Variants in GCA observed in about 807,000 individuals in gnomAD.
GCA encodes the protein grancalcin.
GCA carries 30 observed loss-of-function variants against 32.6 expected under a neutral mutation model. That is an observed-to-expected ratio of 0.92 (90% CI 0.69 to 1.25). GCA has a LOEUF of 1.25. Among genes scored for constraint, GCA ranks in the 50% most tolerant of loss-of-function variants. The pLI, the probability that GCA is intolerant of heterozygous loss-of-function variation, is 0.00. For synonymous variants in GCA, 102 were observed against 84.6 expected, an observed-to-expected ratio of 1.21 and a Z score of -1.13; for missense variants, 291 against 266.8, an observed-to-expected ratio of 1.09 and a Z score of -0.63.
chr2:162,323,819 G>A (rs1683774356), intron 1 of GCA, among the ~76,000 whole-genome samples: 1 of 151,840 alleles, frequency 6.6e-6, no homozygotes, highest in South Asian at 2.1e-4. Flanking sequence ...TAGCCTTGTA[G>A]TATTGTTTGA....
chr2:162,334,486 G>A (rs963202837), intron 1 of GCA, among the ~76,000 whole-genome samples: 1 of 152,088 alleles, frequency 6.6e-6, no homozygotes, highest in Admixed American at 6.5e-5. Context: ...ACAGAATCAG[G>A]GAAAAGGGTA....
intron 1 of GCA, 107 bp downstream of exon 1, chr2:162,344,382 C>T (rs1036271388): frequency 1.2e-4 from 133 of 1,073,396 alleles, no homozygotes; most frequent in East Asian, 7.6e-5. Context: ...CCTGCGTCCG[C>T]GCCTGGTACT....
At chr2:162,345,803 A>G (rs1220564768) in intron 1 of GCA, among the ~76,000 whole-genome samples, 2 of 152,220 alleles carry the variant, frequency 1.3e-5, no homozygotes, top group Non-Finnish European at 2.9e-5. Context: ...GATAAAACTT[A>G]CATGATTTCT....
chr2:162,355,599 T>C, intron 3 of GCA, among the ~76,000 whole-genome samples: 1 of 152,064 alleles, frequency 6.6e-6, no homozygotes, highest in East Asian at 1.9e-4. Context: ...TTGAATGTAA[T>C]TGGATTAGAA....
intron 3 of GCA, 152 bp from the exon 4 acceptor site, chr2:162,356,286 G>A: frequency 3.5e-6 from 2 of 575,016 alleles, no homozygotes; most frequent in Non-Finnish European, 6.3e-6. Context: ...TTAAACAATG[G>A]GTGCTTAACA....
intron 5 of GCA, among the ~76,000 whole-genome samples, chr2:162,358,828 C>T (rs1212833082): frequency 6.6e-6 from 1 of 151,248 alleles, no homozygotes; most frequent in Non-Finnish European, 1.5e-5. Context: ...TTAGCTTTGA[C>T]TTTATTACAA....
At chr2:162,368,527 C>T (rs903015197) in intron 4 of GCA, among the ~76,000 whole-genome samples, 3 of 151,886 alleles carry the variant, frequency 2.0e-5, no homozygotes, top group African/African-American at 4.8e-5. Context: ...TAAGGTGATA[C>T]ATTTTATCCT....
At chr2:162,344,380 C>G in intron 1 of GCA, 105 bp downstream of exon 1, 7 of 1,097,444 alleles carry the variant, frequency 6.4e-6, no homozygotes, top group Non-Finnish European at 9.5e-6. Flanking sequence ...TCCCTGCGTC[C>G]GCGCCTGGTA....
At chr2:162,321,784 T>C (rs1683672451) in intron 1 of GCA, among the ~76,000 whole-genome samples, 2 of 151,574 alleles carry the variant, frequency 1.3e-5, no homozygotes, top group South Asian at 4.2e-4. Flanking sequence ...GTGCCCAATA[T>C]GTGACTCCAG....
chr2:162,355,845 A>C (rs1188099355), intron 3 of GCA, among the ~76,000 whole-genome samples: 1 of 151,426 alleles, frequency 6.6e-6, no homozygotes, highest in Non-Finnish European at 1.5e-5. Context: ...ACCTATTTCC[A>C]ATATCATCTC....
intron 5 of GCA, among the ~76,000 whole-genome samples, chr2:162,357,754 A>G (rs765610077): frequency 9.9e-5 from 15 of 151,610 alleles, no homozygotes; most frequent in African/African-American, 3.6e-4. Flanking sequence ...TTAAACCTGG[A>G]CCTTAATTCA....
At chr2:162,335,277 T>A (rs530752807) in intron 1 of GCA, among the ~76,000 whole-genome samples, 4 of 152,128 alleles carry the variant, frequency 2.6e-5, no homozygotes, top group Middle Eastern at 3.4e-3. Context: ...TAGCCAGACA[T>A]GGTGGCAGGC....
chr2:162,328,937 A>G (rs1683982979), intron 1 of GCA, among the ~76,000 whole-genome samples: 1 of 152,122 alleles, frequency 6.6e-6, no homozygotes, highest in African/African-American at 2.4e-5. Context: ...TCCACTGACT[A>G]TCCCAGCCAA....
upstream of GCA, among the ~76,000 whole-genome samples, chr2:162,341,285 A>C (rs1244020071): frequency 2.1e-5 from 3 of 144,550 alleles, no homozygotes; most frequent in African/African-American, 7.6e-5. Context: ...ATATATATAT[A>C]TATATATATA....
At chr2:162,373,588 G>A, downstream of GCA, 1 of 1,580,386 alleles carries the variant, frequency 6.3e-7, no homozygotes, top group Non-Finnish European at 8.6e-7. Context: ...ACTGTAGGCT[G>A]GGGGGACCAC....
chr2:162,356,878 G>A lies in GCA; in HGVS notation c.427G>A (p.Glu143Lys). The change falls in exon 5 of 8, where the codon GAG becomes AAG. Residue 143 changes from glutamate (E) to lysine (K), a missense_variant. By Grantham distance (56) the Glu-to-Lys change is moderately conservative (BLOSUM62 1). Transcript: ENST00000437150. Reference protein sequence around the residue: ...QDGSGTVEHHELRQAIGLMGY... With the variant: ...QDGSGTVEHHKLRQAIGLMGY... ...TGGAAGTGGCACAGTAGAACATCAT[G>A]AGTTGCGTCAAGCCATTGGTCTTAT... is the stretch of plus-strand genomic sequence containing the variant. 6.2e-7 allele frequency: 1 copy of A among 1,609,578 alleles called. No individual in the cohort carries two copies. The highest frequency in any genetic ancestry group is 8.5e-7 in the Non-Finnish European group (1 of 1,177,140).
chr2:162,327,428 G>T (rs1311757953), intron 1 of GCA, among the ~76,000 whole-genome samples: 1 of 152,162 alleles, frequency 6.6e-6, no homozygotes, highest in African/African-American at 2.4e-5. Flanking sequence ...GGGATGCTAG[G>T]AGAAGAACCT....
At chr2:162,348,894 C>G (rs756955004) in intron 2 of GCA, among the ~76,000 whole-genome samples, 1 of 151,892 alleles carries the variant, frequency 6.6e-6, no homozygotes, top group African/African-American at 2.4e-5. Flanking sequence ...TATTCAAGAT[C>G]GGAAGGAATA....
rs144254561 is a variant in GCA at position 162,370,052 on chromosome 2, T to C, written c.366-1254T>C. ...ATAAGAACATGCTTTTGCTTACAGA[T>C]TGCCTTCCACATGGATTACCAATTT... On this transcript the variant is annotated intron_variant, in intron 4 of 4. Coordinates refer to the GCA transcript ENST00000414723. Among the ~76,000 whole-genome samples, 832 of 152,262 alleles carry C rather than the reference T, an allele frequency of 5.5e-3. 7 individuals are homozygous for C. Among genetic ancestry groups the C allele is most frequent in the African/African-American group, 0.017 (714 of 41,562 alleles).
Sources: gnomAD v4.1 joint callset for allele counts (sites outside exome capture counted in the v4.1 genomes callset) on GRCh38, gnomAD v4.1.1 for gene constraint, MANE v1.5 for transcripts, NCBI Gene and HGNC (gene_info 2026-07-23, HGNC 2026-07-21) for gene names.